Variants in NUCB2 observed in about 807,000 individuals in gnomAD.
The protein encoded by NUCB2 is nucleobindin 2.
NUCB2 carries 48 observed loss-of-function variants against 57.9 expected under a neutral mutation model. That is an observed-to-expected ratio of 0.83 (90% CI 0.66 to 1.05). The LOEUF is 1.05. Among genes scored for constraint, NUCB2 ranks in the 50% least tolerant of loss-of-function variants. NUCB2 has a pLI of 0.00. For missense variants in NUCB2, 442 were observed against 476.2 expected (o/e 0.93, Z 0.67); for synonymous variants, 139 against 152.1 (o/e 0.91, Z 0.64).
intron 10 of NUCB2, 38 bp from the exon 11 acceptor site, chr11:17,315,348 A>G (rs1238499149): frequency 2.6e-6 from 3 of 1,175,328 alleles, no homozygotes; most frequent in Admixed American, 2.0e-5. Flanking sequence ...TATGAGAAAG[A>G]TTTACTTTAT....
chr11:17,307,683 A>G (rs972276317), intron 5 of NUCB2, among the ~76,000 whole-genome samples: 3 of 152,172 alleles, frequency 2.0e-5, no homozygotes, highest in Non-Finnish European at 4.4e-5. Flanking sequence ...TTATTTAGCC[A>G]GGCCCGTGTC....
At chr11:17,297,263 G>C (rs544191875) in intron 4 of NUCB2, among the ~76,000 whole-genome samples, 36 of 151,938 alleles carry the variant, frequency 2.4e-4, no homozygotes, top group African/African-American at 8.5e-4. Flanking sequence ...TCTAGAATCA[G>C]AATAAGAGAA....
At chr11:17,295,633 CTA>C in intron 3 of NUCB2, 166 bp downstream of exon 3, 4 of 608,106 alleles carry the variant, frequency 6.6e-6, no homozygotes, top group Non-Finnish European at 1.1e-5. Flanking sequence ...CACTTGGGAA[CTA>C]TTTCTGAAAT....
downstream of NUCB2, chr11:17,334,426 T>C (rs1951641864): frequency 6.6e-6 from 1 of 152,254 alleles, no homozygotes; most frequent in African/African-American, 2.4e-5. Context: ...CAAAAATAGA[T>C]ACATCTCTTC....
chr11:17,325,223 G>A (rs1403725960), intron 11 of NUCB2, among the ~76,000 whole-genome samples: 1 of 152,172 alleles, frequency 6.6e-6, no homozygotes, highest in African/African-American at 2.4e-5. Context: ...TGTAGATTAT[G>A]TCCAATGTTA....
At position 17,282,886 on chromosome 11, in the gene NUCB2, C is replaced by T. The variant is rs189752241; in HGVS notation, c.-58C>T. On this transcript the variant is annotated 5_prime_UTR_variant, in exon 2 of 14. Transcript: ENST00000529010. Reference sequence around the variant, plus strand: ...GTATTGTGCAAGTCATCTTACCTCTCTGGATCTCAGTTGTCTCATCTGTAA... The same window carrying T: ...GTATTGTGCAAGTCATCTTACCTCTTTGGATCTCAGTTGTCTCATCTGTAA... 2 of 152,184 alleles carry T rather than the reference C, an allele frequency of 1.3e-5. No individual in the cohort carries two copies. Among genetic ancestry groups the T allele is most frequent in the African/African-American group, 4.8e-5 (2 of 41,524 alleles). 9.4% of individuals were successfully genotyped at this position (152,184 alleles called of 1,614,324 possible). A position where few individuals can be genotyped will look rare whatever the true frequency, so the allele number is the denominator to read the frequency against.
At chr11:17,285,584 A>C (rs1943554046) in intron 2 of NUCB2, among the ~76,000 whole-genome samples, 1 of 150,614 alleles carries the variant, frequency 6.6e-6, no homozygotes, top group Non-Finnish European at 1.5e-5. Flanking sequence ...CTCAAAAAAA[A>C]AAAAAAAAAA....
intron 4 of NUCB2, among the ~76,000 whole-genome samples, chr11:17,296,793 G>A (rs929549083): frequency 5.3e-5 from 8 of 152,172 alleles, no homozygotes; most frequent in Admixed American, 2.0e-4. Context: ...AAGAATCACA[G>A]TCTCGTTGAC....
intron 2 of NUCB2, among the ~76,000 whole-genome samples, chr11:17,287,690 A>G (rs2138114972): frequency 6.6e-6 from 1 of 151,598 alleles, no homozygotes; most frequent in Middle Eastern, 3.4e-3. Flanking sequence ...AAAAAAAAAA[A>G]AAGATACGTT....
intron 3 of NUCB2, among the ~76,000 whole-genome samples, chr11:17,295,875 G>C (rs936421672): frequency 9.8e-5 from 15 of 152,302 alleles, no homozygotes; most frequent in African/African-American, 3.6e-4. Context: ...TACTGGACTA[G>C]AGAGTGTCGT....
chr11:17,312,855 C>CA (rs1948706889), intron 10 of NUCB2, among the ~76,000 whole-genome samples: 1 of 151,668 alleles, frequency 6.6e-6, no homozygotes, highest in African/African-American at 2.4e-5. Context: ...TACAGGCATG[C>CA]ACCACCACGC....
rs534876388 is a variant in NUCB2, at chr11:17,278,012, C to T, written c.-156+1184C>T. ...GATGAACATGGAAACTTCTATTTCT[C>T]ATCGTGGTCTTCAAGCTTTCCATGA... is the stretch of plus-strand genomic sequence containing the variant. On this transcript the variant is annotated intron_variant, in intron 1 of 13. Transcript: ENST00000529010. Among the ~76,000 whole-genome samples, 3 of 152,178 alleles carry T rather than the reference C, an allele frequency of 2.0e-5. No individual in the cohort carries two copies. The East Asian group carries it at 5.8e-4, about 29-fold the overall frequency.
intron 10 of NUCB2, among the ~76,000 whole-genome samples, chr11:17,314,750 A>G (rs1344108098): frequency 6.6e-6 from 1 of 152,186 alleles, no homozygotes; most frequent in Non-Finnish European, 1.5e-5. Context: ...AGTAACTTTC[A>G]TCTGAATTTT....
intron 11 of NUCB2, chr11:17,317,516 A>G (rs1189106540): frequency 7.9e-6 from 3 of 379,088 alleles, no homozygotes; most frequent in African/African-American, 6.2e-5. Context: ...CAATTTTCCC[A>G]ATAATATCCT....
intron 2 of NUCB2, among the ~76,000 whole-genome samples, chr11:17,343,161 G>T (rs867245594): frequency 2.6e-5 from 4 of 151,468 alleles, no homozygotes; most frequent in Non-Finnish European, 4.4e-5. Context: ...TTTTCCATTT[G>T]CTTGGTAGAT....
chr11:17,311,774 T>A, intron 8 of NUCB2, 98 bp from the exon 9 acceptor site: 1 of 759,310 alleles, frequency 1.3e-6, no homozygotes, highest in Admixed American at 2.5e-5. Flanking sequence ...ATGCTTCACA[T>A]CAGTACTACT....
chr11:17,338,480 T>C (rs1164234941), intron 2 of NUCB2, among the ~76,000 whole-genome samples: 7 of 152,202 alleles, frequency 4.6e-5, no homozygotes, highest in Non-Finnish European at 1.0e-4. Flanking sequence ...TATAATCAAT[T>C]GCAGTTAATA....
chr11:17,300,888 G>A (rs1266843255), intron 4 of NUCB2, among the ~76,000 whole-genome samples: 2 of 147,918 alleles, frequency 1.4e-5, no homozygotes, highest in African/African-American at 2.5e-5. Context: ...AACCTTTTGA[G>A]TTTCTGCTTT....
At chr11:17,292,349 T>C (rs1945079283) in intron 2 of NUCB2, among the ~76,000 whole-genome samples, 1 of 152,188 alleles carries the variant, frequency 6.6e-6, no homozygotes, top group Non-Finnish European at 1.5e-5. Context: ...GATCCAAGTT[T>C]ACCTTTGAGA....
Sources: gnomAD v4.1 joint callset for allele counts (sites outside exome capture counted in the v4.1 genomes callset) on GRCh38, gnomAD v4.1.1 for gene constraint, MANE v1.5 for transcripts, NCBI Gene and HGNC (gene_info 2026-07-23, HGNC 2026-07-21) for gene names.